The following GALNTL6 variants were observed in gnomAD, a reference collection of about 807,000 sequenced individuals.
The protein encoded by GALNTL6 is polypeptide N-acetylgalactosaminyltransferase-like 6.
GALNTL6 carries 46 observed loss-of-function variants against 73.7 expected under a neutral mutation model. The observed-to-expected ratio is 0.62, with a 90% CI of 0.49 to 0.80. GALNTL6 has a LOEUF of 0.80. Among genes scored for constraint, GALNTL6 ranks in the 30% least tolerant of loss-of-function variants. The pLI, the probability that GALNTL6 is intolerant of heterozygous loss-of-function variation, is 0.00. For missense variants in GALNTL6, 604 were observed against 755.0 expected, an observed-to-expected ratio of 0.80 and a Z score of 2.34; for synonymous variants, 259 against 263.7, an observed-to-expected ratio of 0.98 and a Z score of 0.17.
rs914677395 is a variant in GALNTL6, at chr4:171,835,130, A to G, written c.138+20412A>G. ...CACTTAGAAATGAGGAGTAAATTCA[A>G]AAGGATTTATGAGGTCATAAGCACA... On this transcript the variant is annotated intron_variant, in intron 2 of 12. Coordinates refer to ENST00000506823, the MANE Select transcript of GALNTL6 (RefSeq NM_001034845.3). Among the ~76,000 whole-genome samples, 11 of 152,196 alleles carry G rather than the reference A, an allele frequency of 7.2e-5. No homozygotes were observed. In the South Asian group the frequency reaches 2.3e-3, roughly 32 times the overall value.
chr4:172,114,736 A>G (rs17058069), intron 2 of GALNTL6, among the ~76,000 whole-genome samples: 3,334 of 152,166 alleles, frequency 0.022, 122 homozygotes, highest in African/African-American at 0.074. Context: ...ACACAAATAA[A>G]CAGGACAACT....
chr4:172,306,422 C>G (rs1740139323), intron 3 of GALNTL6, among the ~76,000 whole-genome samples: 1 of 151,982 alleles, frequency 6.6e-6, no homozygotes, highest in Non-Finnish European at 1.5e-5. Flanking sequence ...TAAATGAAAA[C>G]AAAAATATGT....
intron 5 of GALNTL6, among the ~76,000 whole-genome samples, chr4:172,556,375 A>C (rs1736141353): frequency 6.6e-6 from 1 of 152,106 alleles, no homozygotes. Flanking sequence ...AATTAACAAG[A>C]GAAGGGTCTC....
intron 5 of GALNTL6, among the ~76,000 whole-genome samples, chr4:172,492,262 A>G (rs1733923942): frequency 6.6e-6 from 1 of 152,208 alleles, no homozygotes; most frequent in South Asian, 2.1e-4. Context: ...GCACATTTCT[A>G]ATATTGGCTT....
rs545774180 is a variant in GALNTL6, at chr4:172,484,007, C to T, written c.553+135318C>T. Among the ~76,000 whole-genome samples the T allele has an allele frequency of 2.6e-5, 4 of 152,092 alleles. No individual in the cohort carries two copies. In the South Asian group the frequency reaches 6.2e-4, roughly 24 times the overall value. On this transcript the variant is annotated intron_variant, in intron 5 of 12. Coordinates refer to ENST00000506823, the MANE Select transcript of GALNTL6 (RefSeq NM_001034845.3). ...GATGTGTATTTCGTAGGATCTTCAC[C>T]GAAGGAAAAGTTTAATCTTTGGGTT...
chr4:172,400,496 C>T (rs76136429), intron 5 of GALNTL6, among the ~76,000 whole-genome samples: 2,078 of 152,118 alleles, frequency 0.014, 21 homozygotes, highest in Middle Eastern at 0.02. Context: ...ACAACTGTGA[C>T]GTATGTTAAA....
chr4:171,855,472 C>T (rs984389050), intron 2 of GALNTL6, among the ~76,000 whole-genome samples: 1 of 152,054 alleles, frequency 6.6e-6, no homozygotes, highest in Non-Finnish European at 1.5e-5. Context: ...TTTTGTTGCT[C>T]AATAATATTC....
chr4:171,821,435 C>A (rs966639158), intron 2 of GALNTL6, among the ~76,000 whole-genome samples: 12 of 152,028 alleles, frequency 7.9e-5, no homozygotes, highest in Admixed American at 2.0e-4. Flanking sequence ...GTCTTGTTCT[C>A]TTTTAGGTCA....
rs1428011092 is a variant in GALNTL6, at chr4:172,997,538, A to G, written c.1372-11640A>G. On this transcript the variant is annotated intron_variant, in intron 10 of 12. Coordinates refer to ENST00000506823, the MANE Select transcript of GALNTL6 (RefSeq NM_001034845.3). ...CAAAAGGTAGTAGAGTAGCTTATTT[A>G]TATGAATTTCTCTCTGTGTCTATTT... 4.6e-5 allele frequency among the ~76,000 whole-genome samples: 7 copies of G among 152,280 alleles called. No individual in the cohort carries two copies. In the South Asian group the frequency reaches 1.0e-3, roughly 23 times the overall value.
At position 172,952,104 on chromosome 4, in the gene GALNTL6, A is replaced by G. The variant is rs75539306; in HGVS notation, c.1217A>G (p.Glu406Gly). 2 of 1,614,112 alleles carry G rather than the reference A, an allele frequency of 1.2e-6. No individual in the cohort carries two copies. The highest frequency in any genetic ancestry group is 1.7e-6 in the Non-Finnish European group (2 of 1,180,008). Residue 406 changes from glutamate (E) to glycine (G), a missense_variant, in exon 10 of 13, where the codon GAG becomes GGG. Coordinates refer to ENST00000506823, the MANE Select transcript of GALNTL6 (RefSeq NM_001034845.3). ...GAGTACATTTACCAGCGGCGGCCGG[A>G]GTACAGGCATCTCTCCACGGGGGAC... ...FAEYIYQRRPEYRHLSTGDIS... is the reference protein window; with the variant it reads ...FAEYIYQRRPGYRHLSTGDIS...
At position 171,926,700 on chromosome 4, in the gene GALNTL6, C is replaced by T. The variant is rs78338422; in HGVS notation, c.138+111982C>T. Among the ~76,000 whole-genome samples, 1,253 of 152,114 alleles carry T rather than the reference C, an allele frequency of 8.2e-3. 105 individuals carry two copies. The East Asian group carries it at 0.2, about 24-fold the overall frequency. ...TTCTTCATAATTTGTATTTACTTTG[C>T]GACACAGTACTCCAAACATTATTTA... is the stretch of plus-strand genomic sequence containing the variant. On this transcript the variant is annotated intron_variant, in intron 2 of 12. Coordinates refer to ENST00000506823, the MANE Select transcript of GALNTL6 (RefSeq NM_001034845.3).
chr4:172,588,276 T>A (rs1737498383), intron 5 of GALNTL6, among the ~76,000 whole-genome samples: 1 of 152,004 alleles, frequency 6.6e-6, no homozygotes, highest in South Asian at 2.1e-4. Flanking sequence ...AAACAAAATA[T>A]CATGTGGCAG....
At chr4:172,401,939 GA>G (rs1351972260) in intron 5 of GALNTL6, among the ~76,000 whole-genome samples, 77 of 113,254 alleles carry the variant, frequency 6.8e-4, no homozygotes, top group African/African-American at 2.7e-3. Context: ...GAGAGAGGGG[GA>G]AAGGGGGAGG....
intron 3 of GALNTL6, among the ~76,000 whole-genome samples, chr4:172,299,933 C>A (rs1361513683): frequency 6.6e-6 from 1 of 152,144 alleles, no homozygotes; most frequent in African/African-American, 2.4e-5. Context: ...TGTGAACTTT[C>A]TGTCTTGTTG....
intron 2 of GALNTL6, among the ~76,000 whole-genome samples, chr4:172,100,077 T>C (rs934521123): frequency 6.6e-6 from 1 of 152,268 alleles, no homozygotes; most frequent in Admixed American, 6.5e-5. Context: ...TTTATCATCA[T>C]TTATTCCATA....
At chr4:172,307,645 T>C (rs1740189841) in intron 3 of GALNTL6, among the ~76,000 whole-genome samples, 1 of 152,172 alleles carries the variant, frequency 6.6e-6, no homozygotes, top group African/African-American at 2.4e-5. Flanking sequence ...TTGTTCGCTT[T>C]GTCAAAAATC....
At position 172,068,994 on chromosome 4, in the gene GALNTL6, GC is replaced by G. The variant is rs1177317331; in HGVS notation, c.139-160661del. ...GACAAGGAATCCCTCGTCTCCTCCT[GC>G]AGAAATGTCAGGTTTGGTTTGGTTG... On this transcript the variant is annotated intron_variant, in intron 2 of 12. Transcript: ENST00000506823. Among the ~76,000 whole-genome samples, 3 of 108,922 alleles carry G rather than the reference GC, an allele frequency of 2.8e-5. 1 individual carries two copies. Among genetic ancestry groups the G allele is most frequent in the African/African-American group, 1.0e-4 (3 of 28,862 alleles). 71.5% of individuals were successfully genotyped at this position (108,922 alleles called of 152,430 possible). A position where few individuals can be genotyped will look rare whatever the true frequency, so the allele number is the denominator to read the frequency against.
At chr4:172,702,917 T>C (rs1734111035) in intron 5 of GALNTL6, among the ~76,000 whole-genome samples, 1 of 152,020 alleles carries the variant, frequency 6.6e-6, no homozygotes, top group Non-Finnish European at 1.5e-5. Context: ...GACTTTTCTA[T>C]GGTTAAGCAT....
At chr4:172,282,694 TTAG>T (rs1739104739) in intron 3 of GALNTL6, among the ~76,000 whole-genome samples, 1 of 147,482 alleles carries the variant, frequency 6.8e-6, no homozygotes, top group African/African-American at 2.5e-5. Flanking sequence ...AAATGACTAG[TTAG>T]TAGGATTATG....
Sources: gnomAD v4.1 joint callset for allele counts (sites outside exome capture counted in the v4.1 genomes callset) on GRCh38, gnomAD v4.1.1 for gene constraint, MANE v1.5 for transcripts, NCBI Gene and HGNC (gene_info 2026-07-23, HGNC 2026-07-21) for gene names.